Variants in VSIR observed in about 807,000 individuals in gnomAD.
VSIR encodes V-type immunoglobulin domain-containing suppressor of T-cell activation.
A neutral mutation model predicts 31.0 loss-of-function variants in VSIR; 10 were observed. The ratio of observed to expected loss-of-function variants is 0.32; its 90% CI spans 0.20 to 0.55. The LOEUF (loss-of-function observed/expected upper bound fraction) is 0.55. VSIR is among the 20% of genes least tolerant of loss of function. VSIR has a pLI of 0.93. For missense variants in VSIR, 356 were observed against 416.2 expected, an observed-to-expected ratio of 0.86 and a Z score of 1.26; for synonymous variants, 179 against 180.1, an observed-to-expected ratio of 0.99 and a Z score of 0.05.
intron 1 of VSIR, among the ~76,000 whole-genome samples, chr10:71,762,568 G>C (rs1840423033): frequency 6.6e-6 from 1 of 152,256 alleles, no homozygotes; most frequent in South Asian, 2.1e-4. Flanking sequence ...AGCAGACGAG[G>C]CCTGCATTCC....
chr10:71,762,920 A>G (rs548083371), intron 1 of VSIR, among the ~76,000 whole-genome samples: 3 of 152,298 alleles, frequency 2.0e-5, no homozygotes, highest in Non-Finnish European at 4.4e-5. Context: ...CCTTATCCCA[A>G]TCCTCCAGCA....
chr10:71,751,076 C>A lies in VSIR; in HGVS notation c.*177G>T. On this transcript the variant is annotated 3_prime_UTR_variant, in exon 7 of 7. Transcript: ENST00000394957. The surrounding 1 kb of genome is among the most constrained non-coding windows in gnomAD (Gnocchi z 4.9). Reference sequence around the variant, plus strand: ...ACAGGGGCTGAGCCGTCCAGCATCCCCATGTAGCATCCAGAGGGGTTGAGG... The same window carrying A: ...ACAGGGGCTGAGCCGTCCAGCATCCACATGTAGCATCCAGAGGGGTTGAGG... The A allele has an allele frequency of 1.4e-6, 1 of 735,618 alleles. No individual in the cohort carries two copies. The highest frequency in any genetic ancestry group is 3.0e-5 in the Admixed American group (1 of 32,822). The allele number at this position is 735,618 out of a possible 1,614,324, so 45.6% of individuals were successfully genotyped here. A position where few individuals can be genotyped will look rare whatever the true frequency, so the allele number is the denominator to read the frequency against.
chr10:71,753,321 A>G, intron 4 of VSIR, among the ~76,000 whole-genome samples: 1 of 152,354 alleles, frequency 6.6e-6, no homozygotes, highest in South Asian at 2.1e-4. Flanking sequence ...GGCTTGACTT[A>G]CACAGTGTCA....
intron 1 of VSIR, among the ~76,000 whole-genome samples, chr10:71,763,174 A>T (rs1482837722): frequency 1.3e-5 from 2 of 152,096 alleles, no homozygotes; most frequent in African/African-American, 4.8e-5. Flanking sequence ...TGTTATTTTT[A>T]TTTATTTATT....
At chr10:71,771,498 C>G (rs1288110566) in intron 1 of VSIR, among the ~76,000 whole-genome samples, 1 of 152,240 alleles carries the variant, frequency 6.6e-6, no homozygotes, top group Non-Finnish European at 1.5e-5. Context: ...GCTGACCATG[C>G]CTGCAACCAG....
intron 1 of VSIR, among the ~76,000 whole-genome samples, chr10:71,768,477 T>C (rs1217083717): frequency 1.3e-5 from 2 of 151,410 alleles, no homozygotes; most frequent in Non-Finnish European, 2.9e-5. Context: ...GGCCGTTTGG[T>C]TGGTTTTCTT....
chr10:71,761,263 G>T (rs1840376587), intron 2 of VSIR, among the ~76,000 whole-genome samples: 1 of 152,142 alleles, frequency 6.6e-6, no homozygotes, highest in Non-Finnish European at 1.5e-5. Context: ...CATGCCCCAG[G>T]GCACCAATCA....
At chr10:71,756,885 C>T (rs1032725819) in intron 3 of VSIR, among the ~76,000 whole-genome samples, 2 of 152,196 alleles carry the variant, frequency 1.3e-5, no homozygotes, top group African/African-American at 2.4e-5. Flanking sequence ...AATCCGACAG[C>T]GTAAACAAGC....
intron 3 of VSIR, among the ~76,000 whole-genome samples, chr10:71,757,025 C>A (rs1267640008): frequency 6.6e-6 from 1 of 152,220 alleles, no homozygotes; most frequent in Non-Finnish European, 1.5e-5. Flanking sequence ...CAGCAGGTTC[C>A]CTGCAGATCT....
At chr10:71,769,884 G>C (rs1222644454) in intron 1 of VSIR, among the ~76,000 whole-genome samples, 1 of 152,244 alleles carries the variant, frequency 6.6e-6, no homozygotes, top group Non-Finnish European at 1.5e-5. Context: ...AAAAAGATCA[G>C]ATGTAAGAAA....
chr10:71,772,894 G>A (rs2132915002), intron 1 of VSIR, among the ~76,000 whole-genome samples: 1 of 152,306 alleles, frequency 6.6e-6, no homozygotes, highest in East Asian at 1.9e-4. Flanking sequence ...TTTCACCAGG[G>A]CATGGGGCAC....
chr10:71,765,646 C>T (rs1564783378), intron 1 of VSIR, among the ~76,000 whole-genome samples: 1 of 152,068 alleles, frequency 6.6e-6, no homozygotes, highest in African/African-American at 2.4e-5. Context: ...AGATGCACGG[C>T]GGGTGGGTGC....
chr10:71,763,113 C>T (rs1840438599), intron 1 of VSIR, among the ~76,000 whole-genome samples: 1 of 152,210 alleles, frequency 6.6e-6, no homozygotes, highest in Non-Finnish European at 1.5e-5. Flanking sequence ...GATGTGAGCT[C>T]TAATGCCCTC....
chr10:71,772,630 C>A (rs1233239089), intron 1 of VSIR, among the ~76,000 whole-genome samples: 1 of 152,190 alleles, frequency 6.6e-6, no homozygotes, highest in East Asian at 1.9e-4. Flanking sequence ...GAAACTGAGG[C>A]CAGAGAGATG....
intron 1 of VSIR, among the ~76,000 whole-genome samples, chr10:71,767,533 G>T (rs530068257): frequency 1.3e-5 from 2 of 152,172 alleles, no homozygotes; most frequent in African/African-American, 4.8e-5. Flanking sequence ...CCAGCTCCCC[G>T]CCAGGCCCCA....
chr10:71,752,425 G>A, intron 5 of VSIR, among the ~76,000 whole-genome samples: 1 of 152,152 alleles, frequency 6.6e-6, no homozygotes, highest in East Asian at 1.9e-4. Context: ...CAGGTACCGG[G>A]GCAGGAACTT....
chr10:71,767,860 G>A (rs1840590816), intron 1 of VSIR, among the ~76,000 whole-genome samples: 1 of 152,242 alleles, frequency 6.6e-6, no homozygotes, highest in South Asian at 2.1e-4. Context: ...GGCACTTCCA[G>A]CACCTTGGGA....
At chr10:71,764,190 C>A (rs543772560) in intron 1 of VSIR, among the ~76,000 whole-genome samples, 1 of 152,318 alleles carries the variant, frequency 6.6e-6, no homozygotes, top group Admixed American at 6.5e-5. Context: ...AACGCAGGAT[C>A]TAGGCAGAAC....
intron 1 of VSIR, among the ~76,000 whole-genome samples, chr10:71,768,750 G>A (rs11591883): frequency 6.6e-6 from 1 of 152,206 alleles, no homozygotes; most frequent in Non-Finnish European, 1.5e-5. Flanking sequence ...AAAGTGCTGG[G>A]ATTACAGGCA....
Sources: gnomAD v4.1 joint callset for allele counts (sites outside exome capture counted in the v4.1 genomes callset) on GRCh38, gnomAD v4.1.1 for gene constraint, Gnocchi (gnomAD v3.1) non-coding constraint, MANE v1.5 for transcripts, NCBI Gene and HGNC (gene_info 2026-07-23, HGNC 2026-07-21) for gene names.